Variants in ANO4 observed in about 807,000 individuals in gnomAD.
The protein encoded by ANO4 is anoctamin-4.
ANO4 carries 69 observed loss-of-function variants against 141.9 expected under a neutral mutation model. That is an observed-to-expected ratio of 0.49 (90% CI 0.40 to 0.59). The LOEUF (loss-of-function observed/expected upper bound fraction) is 0.59. Among genes scored for constraint, ANO4 ranks in the 20% least tolerant of loss-of-function variants. The pLI is 0.00. For synonymous variants in ANO4, 350 were observed against 394.3 expected (o/e 0.89, Z 1.33); for missense variants, 894 against 1,162.2 (o/e 0.77, Z 3.36).
intron 3 of ANO4, among the ~76,000 whole-genome samples, chr12:100,926,216 T>A (rs987548556): frequency 7.2e-5 from 11 of 152,110 alleles, no homozygotes; most frequent in African/African-American, 2.4e-4. Flanking sequence ...GATGCAAGAA[T>A]TTTGCCACCA....
intron 7 of ANO4, among the ~76,000 whole-genome samples, chr12:100,977,211 G>A (rs1239198298): frequency 4.6e-5 from 7 of 152,028 alleles, no homozygotes. Context: ...TTGCAGAAGG[G>A]TATCCTTCTA....
At chr12:100,947,638 T>C (rs2042780033) in intron 5 of ANO4, among the ~76,000 whole-genome samples, 1 of 152,170 alleles carries the variant, frequency 6.6e-6, no homozygotes, top group Admixed American at 6.5e-5. Context: ...CACATGTGGG[T>C]GCACAGTCGA....
At chr12:100,745,540 G>A (rs2032063543) in intron 3 of ANO4, among the ~76,000 whole-genome samples, 1 of 152,168 alleles carries the variant, frequency 6.6e-6, no homozygotes, top group Admixed American at 6.6e-5. Context: ...CATTGAAACT[G>A]CATATTAGAC....
chr12:100,942,469 C>G lies in ANO4; in HGVS notation c.390C>G (p.Pro130=), dbSNP rs1237315145. ...TCCTTGTGTACAGAAAATCCAACCC[C>G]CAGACTGAAAAGAGAGAAGTATTTG... The part of the protein sequence containing the change: ...DYILVYRKSN[P]QTEKREVFER... Residue 130 remains proline (P), a synonymous_variant, in exon 5 of 28, where the codon CCC becomes CCG. Coordinates refer to ENST00000392977, the MANE Select transcript of ANO4 (RefSeq NM_001286615.2). The G allele has an allele frequency of 3.1e-6, 5 of 1,613,816 alleles. No individual in the cohort carries two copies. Among genetic ancestry groups the G allele is most frequent in the Non-Finnish European group, 3.4e-6 (4 of 1,179,986 alleles).
intron 13 of ANO4, among the ~76,000 whole-genome samples, chr12:101,047,353 T>G (rs1417528102): frequency 1.3e-5 from 2 of 152,186 alleles, no homozygotes; most frequent in African/African-American, 4.8e-5. Flanking sequence ...GTGCCCAATA[T>G]ACAGCTTAAC....
intron 2 of ANO4, among the ~76,000 whole-genome samples, chr12:100,903,495 G>GCTTTC (rs1390960317): frequency 6.6e-6 from 1 of 152,086 alleles, no homozygotes; most frequent in Admixed American, 6.5e-5. Context: ...TTTGTGATCT[G>GCTTTC]GCCCCTACTG....
chr12:100,742,668 T>C (rs2031921860), intron 3 of ANO4, among the ~76,000 whole-genome samples: 1 of 152,208 alleles, frequency 6.6e-6, no homozygotes, highest in Admixed American at 6.5e-5. Flanking sequence ...CCAAACACAT[T>C]ATAAAATCAT....
chr12:101,051,922 T>C (rs1318047352), intron 14 of ANO4, among the ~76,000 whole-genome samples: 7 of 152,214 alleles, frequency 4.6e-5, no homozygotes, highest in Admixed American at 4.6e-4. Flanking sequence ...ATGTGTCAGT[T>C]CTAATGGAGC....
intron 8 of ANO4, among the ~76,000 whole-genome samples, chr12:101,002,243 G>T (rs1187209949): frequency 6.6e-6 from 1 of 152,200 alleles, no homozygotes; most frequent in East Asian, 1.9e-4. Context: ...CCTGTGCACA[G>T]TTAGAAGAAG....
intron 2 of ANO4, among the ~76,000 whole-genome samples, chr12:100,916,980 T>TAAA (rs34313478): frequency 1.5e-5 from 2 of 137,024 alleles, no homozygotes; most frequent in African/African-American, 5.3e-5. Flanking sequence ...GTGACTGTCT[T>TAAA]AAAAAAAAAA....
At chr12:100,732,178 A>G (rs1289260255) in intron 1 of ANO4, among the ~76,000 whole-genome samples, 2 of 152,384 alleles carry the variant, frequency 1.3e-5, no homozygotes, top group East Asian at 3.9e-4. Flanking sequence ...ACTCTCTTCT[A>G]GAATGGCTGT....
chr12:101,104,845 T>C (rs1593281453), intron 22 of ANO4, among the ~76,000 whole-genome samples: 1 of 151,728 alleles, frequency 6.6e-6, no homozygotes, highest in Non-Finnish European at 1.5e-5. Context: ...GTGCCTCTTA[T>C]CTACTAGTTA....
rs185989623 is a variant in ANO4 at position 100,822,690 on chromosome 12, A to G, written c.-141+27663A>G. On this transcript the variant is annotated intron_variant, in intron 1 of 27. Coordinates refer to ENST00000392977, the MANE Select transcript of ANO4 (RefSeq NM_001286615.2). ...ACAAAAGTAAGTCTTAAATCTGATC[A>G]GCCATGGCTTATTACTTGATAAGGT... Among the ~76,000 whole-genome samples the G allele has an allele frequency of 7.9e-5, 12 of 152,132 alleles. No homozygotes were observed. The East Asian group carries it at 2.1e-3, about 27-fold the overall frequency.
intron 26 of ANO4, among the ~76,000 whole-genome samples, chr12:101,124,931 T>C (rs1026125994): frequency 6.6e-5 from 10 of 152,234 alleles, no homozygotes; most frequent in Non-Finnish European, 1.5e-5. Context: ...TTCTTTTTGC[T>C]TAGTCTTGTC....
Position 100,919,714 on chromosome 12 carries a change from ATGTATGTATGTG to A in ANO4, c.56-2500_56-2489del, listed in dbSNP as rs1361422605. 6.7e-3 allele frequency among the ~76,000 whole-genome samples: 895 copies of A among 133,840 alleles called. 5 individuals are homozygous for A. Among genetic ancestry groups the A allele is most frequent in the African/African-American group, 0.024 (845 of 35,030 alleles). 87.8% of individuals were successfully genotyped at this position (133,840 alleles called of 152,430 possible). A position where few individuals can be genotyped will look rare whatever the true frequency, so the allele number is the denominator to read the frequency against. ...TGTGTGTGTGTGTGTGTATGTATGT[ATGTATGTATGTG>A]TGTATGTATGTATCTATCTATCTAT... On this transcript the variant is annotated intron_variant, in intron 2 of 27. Coordinates refer to ENST00000392977, the MANE Select transcript of ANO4 (RefSeq NM_001286615.2).
intron 3 of ANO4, among the ~76,000 whole-genome samples, chr12:100,752,645 AT>A (rs1359775393): frequency 6.6e-6 from 1 of 152,032 alleles, no homozygotes. Context: ...CAAGGAAATT[AT>A]TTCTCTTTGA....
At chr12:100,983,921 C>T (rs1162828126) in intron 7 of ANO4, among the ~76,000 whole-genome samples, 1 of 152,126 alleles carries the variant, frequency 6.6e-6, no homozygotes, top group Non-Finnish European at 1.5e-5. Flanking sequence ...GAGGAAGACA[C>T]AAACTGCTGA....
At chr12:100,820,094 T>C (rs1416963590) in intron 1 of ANO4, among the ~76,000 whole-genome samples, 1 of 151,666 alleles carries the variant, frequency 6.6e-6, no homozygotes, top group East Asian at 1.9e-4. Context: ...TGCTTCTCTC[T>C]CCCTTCCTTC....
intron 15 of ANO4, among the ~76,000 whole-genome samples, chr12:101,079,850 G>A (rs1398238157): frequency 1.3e-5 from 2 of 152,162 alleles, no homozygotes; most frequent in African/African-American, 2.4e-5. Context: ...GTCCCTTAGC[G>A]TCTTCTAGGC....
Sources: gnomAD v4.1 joint callset for allele counts (sites outside exome capture counted in the v4.1 genomes callset) on GRCh38, gnomAD v4.1.1 for gene constraint, MANE v1.5 for transcripts, NCBI Gene and HGNC (gene_info 2026-07-23, HGNC 2026-07-21) for gene names.